PKP4: variants seen among roughly 807,000 people sequenced by gnomAD.
PKP4 encodes the protein plakophilin-4.
A neutral mutation model predicts 145.1 loss-of-function variants in PKP4; 90 were observed. That is an observed-to-expected ratio of 0.62 (90% confidence interval 0.52 to 0.74). The LOEUF is 0.74. Among genes scored for constraint, PKP4 ranks in the 30% least tolerant of loss-of-function variants. PKP4 has a pLI of 0.00. For synonymous variants in PKP4, 563 were observed against 577.2 expected, an observed-to-expected ratio of 0.98 and a Z score of 0.35; for missense variants, 1,340 against 1,482.7, an observed-to-expected ratio of 0.90 and a Z score of 1.58.
intron 4 of PKP4, among the ~76,000 whole-genome samples, chr2:158,607,803 A>G (rs1013530321): frequency 6.6e-6 from 1 of 152,132 alleles, no homozygotes; most frequent in Non-Finnish European, 1.5e-5. Flanking sequence ...GTGTTGATTT[A>G]CAGTCTAGAG....
chr2:158,660,375 TGAAGAC>T (rs1440621103), intron 12 of PKP4: 1 of 152,548 alleles, frequency 6.6e-6, no homozygotes, highest in Non-Finnish European at 1.5e-5. Flanking sequence ...AGTGCAAAGA[TGAAGAC>T]AAGACAGGAC....
At chr2:158,481,511 G>A (rs910813233) in intron 1 of PKP4, among the ~76,000 whole-genome samples, 2 of 152,200 alleles carry the variant, frequency 1.3e-5, no homozygotes, top group African/African-American at 4.8e-5. Flanking sequence ...CCCACTAGCA[G>A]AGTATGAGGG....
At chr2:158,659,181 A>G (rs1310375285) in intron 12 of PKP4, 2 of 152,448 alleles carry the variant, frequency 1.3e-5, no homozygotes, top group Non-Finnish European at 2.9e-5. Context: ...GCCTTCTAGC[A>G]TTGAGACAGG....
chr2:158,465,592 T>G (rs1016582533), intron 1 of PKP4, among the ~76,000 whole-genome samples: 1 of 152,236 alleles, frequency 6.6e-6, no homozygotes, highest in Non-Finnish European at 1.5e-5. Context: ...CTCTATGTAA[T>G]TTGTGTGCCT....
Position 158,634,118 on chromosome 2 carries a change from C to G in PKP4, c.1391C>G (p.Thr464Arg). The G allele has an allele frequency of 1.2e-6, 2 of 1,613,996 alleles. No individual in the cohort carries two copies. The highest frequency in any genetic ancestry group is 1.6e-4 in the Middle Eastern group (1 of 6,062). ...ACATCCAGCCAACGAAGTACCCTTA[C>G]ATACCAAAGAAATAATTATGCTCTG... ...QRTSSQRSTL[T>R]YQRNNYALNT... The change falls in exon 9 of 22, where the codon ACA (threonine) becomes AGA (arginine). Residue 464 changes from threonine (T) to arginine (R), a missense_variant. Transcript: ENST00000389759.
At chr2:158,620,852 T>A (rs2052159941) in intron 4 of PKP4, 138 bp from the exon 5 acceptor site, 1 of 657,268 alleles carries the variant, frequency 1.5e-6, no homozygotes, top group Admixed American at 2.7e-5. Context: ...AAGAGTCAGA[T>A]GTGCTGTGTA....
rs147809285 is a variant in PKP4, at chr2:158,625,353, A to G, written c.1079A>G (p.Asp360Gly). The G allele has an allele frequency of 9.7e-4, 1,573 of 1,614,196 alleles. 11 individuals are homozygous for G. Among genetic ancestry groups the G allele is most frequent in the South Asian group, 8.6e-3 (779 of 91,080 alleles). Residue 360 changes from aspartate to glycine, a missense_variant, in exon 7 of 22, where the codon GAC becomes GGC. By Grantham distance (94) the Asp-to-Gly change is moderately conservative. Transcript: ENST00000389759. ...CCTTCACTGCAAAGGACTGTTCATG[A>G]CATGGAGCAATTCGGACAGCAGCAG... ...LGPSLQRTVH[D>G]MEQFGQQQYD...
At chr2:158,551,466 C>T (rs2045618488) in intron 2 of PKP4, among the ~76,000 whole-genome samples, 1 of 152,142 alleles carries the variant, frequency 6.6e-6, no homozygotes, top group African/African-American at 2.4e-5. Flanking sequence ...TAGCATTCCC[C>T]CTTCTGGTAT....
At chr2:158,477,253 T>C (rs6717437) in intron 1 of PKP4, among the ~76,000 whole-genome samples, 138,105 of 152,092 alleles carry the variant, frequency 0.91, 62,793 homozygotes, top group East Asian at 0.98. Context: ...GGGGAAGAGC[T>C]TGAGATCTGG....
chr2:158,493,050 C>T (rs1695175226), intron 1 of PKP4, among the ~76,000 whole-genome samples: 1 of 151,970 alleles, frequency 6.6e-6, no homozygotes, highest in Non-Finnish European at 1.5e-5. Flanking sequence ...AGTCCTTTGA[C>T]CCCCTTGTCT....
intron 1 of PKP4, among the ~76,000 whole-genome samples, chr2:158,514,832 T>A (rs1398989501): frequency 6.6e-6 from 1 of 152,014 alleles, no homozygotes; most frequent in Non-Finnish European, 1.5e-5. Flanking sequence ...TCCCAGCTAC[T>A]CAGGAGGCTG....
chr2:158,476,847 G>A (rs1442855710), intron 1 of PKP4, among the ~76,000 whole-genome samples: 3 of 151,900 alleles, frequency 2.0e-5, no homozygotes, highest in African/African-American at 7.3e-5. Context: ...ATGTCATTTT[G>A]TTTTATATGC....
chr2:158,509,498 A>ATTGAGACATAAGACAATCAAGACTTT (rs1428227953), intron 1 of PKP4, among the ~76,000 whole-genome samples: 38 of 152,240 alleles, frequency 2.5e-4, no homozygotes, highest in Non-Finnish European at 5.0e-4. Flanking sequence ...GTTTCAGTAT[A>ATTGAGACATAAGACAATCAAGACTTT]TTGAGACATA....
intron 1 of PKP4, among the ~76,000 whole-genome samples, chr2:158,502,822 G>C (rs1171204446): frequency 6.6e-6 from 1 of 152,238 alleles, no homozygotes; most frequent in Non-Finnish European, 1.5e-5. Flanking sequence ...GTGTGTTAGA[G>C]ATGGTTTTTG....
At chr2:158,600,256 C>T (rs1282214590) in intron 3 of PKP4, among the ~76,000 whole-genome samples, 2 of 152,170 alleles carry the variant, frequency 1.3e-5, no homozygotes, top group East Asian at 1.9e-4. Context: ...AATATATCTT[C>T]CCATTGAAAC....
At chr2:158,471,787 A>C (rs551238891) in intron 1 of PKP4, among the ~76,000 whole-genome samples, 14 of 152,364 alleles carry the variant, frequency 9.2e-5, no homozygotes, top group Admixed American at 5.9e-4. Flanking sequence ...AGTCATTGAA[A>C]AGTAATTCCT....
At chr2:158,496,697 G>C (rs1695760357) in intron 1 of PKP4, among the ~76,000 whole-genome samples, 1 of 152,002 alleles carries the variant, frequency 6.6e-6, no homozygotes. Context: ...AGCTGACTGA[G>C]AAATTTGAGA....
At chr2:158,466,166 A>G (rs1410008461) in intron 1 of PKP4, among the ~76,000 whole-genome samples, 1 of 152,200 alleles carries the variant, frequency 6.6e-6, no homozygotes, top group Non-Finnish European at 1.5e-5. Flanking sequence ...GTGGTTCTAC[A>G]TACCTTAAGT....
chr2:158,656,513 T>C (rs2055943835), intron 11 of PKP4, among the ~76,000 whole-genome samples: 1 of 152,088 alleles, frequency 6.6e-6, no homozygotes, highest in Non-Finnish European at 1.5e-5. Flanking sequence ...CTCCCGCCCG[T>C]CCTGTGTCCT....
Sources: allele counts gnomAD v4.1 joint callset (sites outside exome capture counted in the v4.1 genomes callset), GRCh38; gene constraint gnomAD v4.1.1; transcripts MANE v1.5; gene names NCBI Gene and HGNC (gene_info 2026-07-23, HGNC 2026-07-21).